Variants in VIPR2 observed in about 807,000 individuals in gnomAD.
VIPR2 encodes vasoactive intestinal polypeptide receptor 2.
VIPR2 carries 48 observed loss-of-function variants against 58.0 expected under a neutral mutation model. That is an observed-to-expected ratio of 0.83 (90% CI 0.66 to 1.05). The LOEUF is 1.05. Ranked by LOEUF, VIPR2 falls within the 50% of genes least tolerant of loss-of-function variation. The probability of loss-of-function intolerance (pLI) is 0.00; values close to 1 mark genes in which losing one functional copy is unlikely to be tolerated. For missense variants in VIPR2, 534 were observed against 558.0 expected (o/e 0.96, Z 0.43); for synonymous variants, 243 against 235.2 (o/e 1.03, Z -0.30).
Position 159,031,459 on chromosome 7 carries a change from AC to A in VIPR2, c.1143+368del. On this transcript the variant is annotated intron_variant, in intron 12 of 12. Coordinates refer to ENST00000262178, the MANE Select transcript of VIPR2 (RefSeq NM_003382.5). The surrounding 1 kb of genome is among the most constrained non-coding windows in gnomAD (Gnocchi z 4.0). ...GACTCACAGGACGCTGTGCAGCCCC[AC>A]CCCCCAACCCAGGCCCGGCTTTCTG... 3.1e-6 allele frequency: 3 copies of A among 975,674 alleles called. No individual in the cohort carries two copies. The highest frequency in any genetic ancestry group is 3.6e-6 in the Non-Finnish European group (3 of 824,624). The allele number at this position is 975,674 out of a possible 1,614,324, so 60.4% of individuals were successfully genotyped here.
At chr7:159,137,880 T>A (rs1013377538) in intron 2 of VIPR2, among the ~76,000 whole-genome samples, 4 of 151,950 alleles carry the variant, frequency 2.6e-5, no homozygotes, top group African/African-American at 9.7e-5. Flanking sequence ...AGAAAGAAAA[T>A]GAAAAGGAAA....
intron 4 of VIPR2, among the ~76,000 whole-genome samples, chr7:159,094,885 CAG>C (rs948039546): frequency 3.3e-5 from 5 of 152,182 alleles, no homozygotes. Context: ...AGTTCATGCA[CAG>C]AGTTTAGGAT....
rs1054457380 is a variant in VIPR2, at chr7:159,096,374, G to A, written c.357+7383C>T. 1.7e-4 allele frequency among the ~76,000 whole-genome samples: 26 copies of A among 152,304 alleles called. No individual in the cohort carries two copies. Among genetic ancestry groups the A allele is most frequent in the African/African-American group, 5.5e-4 (23 of 41,572 alleles). On this transcript the variant is annotated intron_variant, in intron 4 of 12. Transcript: ENST00000262178. This position sits in a 1 kb window ranked among gnomAD's most constrained non-coding sequence, Gnocchi z 5.5. ...AGCTCCATGCCCAGAAGCGCCTGGCGCACCGCTGTGTTTCCTACAGGTCCG... is the reference window on the plus strand; with the variant it reads ...AGCTCCATGCCCAGAAGCGCCTGGCACACCGCTGTGTTTCCTACAGGTCCG...
chr7:159,079,016 C>T (rs1052324425), intron 4 of VIPR2, among the ~76,000 whole-genome samples: 2 of 152,084 alleles, frequency 1.3e-5, no homozygotes, highest in African/African-American at 2.4e-5. Flanking sequence ...CCACTGAGAT[C>T]CCACTTTGAA....
At position 159,097,316 on chromosome 7, in the gene VIPR2, G is replaced by A; in HGVS notation, c.357+6441C>T. 7.8e-7 allele frequency: 1 copy of A among 1,284,754 alleles called. No individual in the cohort carries two copies. The allele number at this position is 1,284,754 out of a possible 1,614,324, so 79.6% of individuals were successfully genotyped here. A position where few individuals can be genotyped will look rare whatever the true frequency, so the allele number is the denominator to read the frequency against. ...GAAATGTGTGCACTTGAAGCATGGG[G>A]AGGCCGAAATGCCAAACAGTTCTCT... On this transcript the variant is annotated intron_variant, in intron 4 of 12. Transcript: ENST00000262178. The surrounding 1 kb of genome is among the most constrained non-coding windows in gnomAD (Gnocchi z 5.3).
intron 2 of VIPR2, among the ~76,000 whole-genome samples, chr7:159,110,695 A>AAAAACAAACAAAC (rs1554517389): frequency 3.7e-4 from 15 of 40,934 alleles, no homozygotes; most frequent in East Asian, 7.4e-4. Context: ...CTTGGTCGGT[A>AAAAACAAACAAAC]AAACAAACAA....
Position 159,043,027 on chromosome 7 carries a change from A to G in VIPR2, c.597+8T>C. 6.2e-7 allele frequency: 1 copy of G among 1,613,388 alleles called. No homozygotes were observed. The highest frequency in any genetic ancestry group is 8.5e-7 in the Non-Finnish European group (1 of 1,179,542). ...GACAGTGGGACCCTGTGGTGGGGAC[A>G]GCCTTACCCAGGAGGATGGCTGGTC... On this transcript the variant is annotated splice_region_variant and intron_variant, in intron 6 of 12. Transcript: ENST00000262178.
intron 5 of VIPR2, among the ~76,000 whole-genome samples, chr7:159,047,267 T>A (rs1387143006): frequency 6.6e-6 from 1 of 152,166 alleles, no homozygotes; most frequent in East Asian, 1.9e-4. Context: ...AAAAAAACTA[T>A]AAAGGATCCT....
At chr7:159,122,907 A>G (rs1252894933) in intron 2 of VIPR2, among the ~76,000 whole-genome samples, 1 of 152,126 alleles carries the variant, frequency 6.6e-6, no homozygotes, top group Non-Finnish European at 1.5e-5. Flanking sequence ...AACTCATGTC[A>G]TGGGAGCTTG....
Position 159,093,706 on chromosome 7 carries a change from G to A in VIPR2, c.357+10051C>T, listed in dbSNP as rs562917150. 2.5e-4 allele frequency among the ~76,000 whole-genome samples: 28 copies of A among 112,292 alleles called. No homozygotes were observed. The highest frequency in any genetic ancestry group is 3.9e-4 in the African/African-American group (14 of 36,266). 73.7% of individuals were successfully genotyped at this position (112,292 alleles called of 152,430 possible). ...CCTGGGTTCGGAGATGGGAGACCCC[G>A]CAGCGTCCCTGGGTCCGGACATGGG... On this transcript the variant is annotated intron_variant, in intron 4 of 12. Transcript: ENST00000262178. The surrounding 1 kb of genome is among the most constrained non-coding windows in gnomAD (Gnocchi z 6.7).
chr7:159,028,688 C>T lies in VIPR2; in HGVS notation c.*1928G>A, dbSNP rs932897535. On this transcript the variant is annotated 3_prime_UTR_variant, in exon 13 of 13. Coordinates refer to ENST00000262178, the MANE Select transcript of VIPR2 (RefSeq NM_003382.5). ...CCAAACCCTACAGGGGAGGAACAGC[C>T]GAGGGGCCGCACTGAACCTGGGGTC... 4 of 152,436 alleles carry T rather than the reference C, an allele frequency of 2.6e-5. No individual in the cohort carries two copies. The highest frequency in any genetic ancestry group is 2.1e-4 in the South Asian group (1 of 4,838). 9.4% of individuals were successfully genotyped at this position (152,436 alleles called of 1,614,324 possible).
At chr7:159,094,444 C>G (rs1857701081) in intron 4 of VIPR2, among the ~76,000 whole-genome samples, 1 of 152,242 alleles carries the variant, frequency 6.6e-6, no homozygotes, top group African/African-American at 2.4e-5. Flanking sequence ...CCAGGGCTGG[C>G]ACTCAGGAAC....
At chr7:159,108,189 G>A (rs1467213346) in intron 3 of VIPR2, among the ~76,000 whole-genome samples, 1 of 152,186 alleles carries the variant, frequency 6.6e-6, no homozygotes, top group Non-Finnish European at 1.5e-5. Context: ...ACCAAATTTA[G>A]TCTCTGAAGC....
chr7:159,142,371 G>T, intron 2 of VIPR2, 75 bp downstream of exon 2: 10 of 1,090,488 alleles, frequency 9.2e-6, no homozygotes, highest in Non-Finnish European at 1.4e-5. Context: ...TGGTGACCCT[G>T]AACCACAGCT....
chr7:159,070,066 A>T (rs1360771172), intron 4 of VIPR2, among the ~76,000 whole-genome samples: 3 of 152,134 alleles, frequency 2.0e-5, no homozygotes. Flanking sequence ...AGGGCTGCCC[A>T]CTCAGCAACA....
chr7:159,091,981 A>T (rs2129495360), intron 4 of VIPR2, among the ~76,000 whole-genome samples: 1 of 152,230 alleles, frequency 6.6e-6, no homozygotes, highest in East Asian at 1.9e-4. Context: ...AGTCCCAGCT[A>T]CTCTGGAGGC....
intron 2 of VIPR2, among the ~76,000 whole-genome samples, chr7:159,134,752 G>T (rs985492301): frequency 7.9e-5 from 12 of 151,838 alleles, no homozygotes; most frequent in African/African-American, 2.7e-4. Flanking sequence ...CTGCCTCCTG[G>T]GTTCACGCCA....
chr7:159,135,541 G>A (rs1311988882), intron 2 of VIPR2, among the ~76,000 whole-genome samples: 1 of 152,024 alleles, frequency 6.6e-6, no homozygotes, highest in African/African-American at 2.4e-5. Flanking sequence ...AATGGGAGGA[G>A]GCCGGGCACA....
chr7:159,110,229 G>C (rs1159082489), intron 2 of VIPR2, among the ~76,000 whole-genome samples: 1 of 152,252 alleles, frequency 6.6e-6, no homozygotes, highest in African/African-American at 2.4e-5. Context: ...CTGGGTATTA[G>C]TGTAAGGCCC....
Sources: allele counts gnomAD v4.1 joint callset (sites outside exome capture counted in the v4.1 genomes callset), GRCh38; gene constraint gnomAD v4.1.1; non-coding constraint Gnocchi (gnomAD v3.1); transcripts MANE v1.5; gene names NCBI Gene and HGNC (gene_info 2026-07-23, HGNC 2026-07-21).